The following CFAP44 variants were observed in gnomAD, a reference collection of about 807,000 sequenced individuals.
CFAP44 encodes cilia- and flagella-associated protein 44.
A neutral mutation model predicts 216.2 loss-of-function variants in CFAP44; 134 were observed. The observed-to-expected ratio is 0.62, with a 90% confidence interval of 0.54 to 0.72. The LOEUF is 0.72. Ranked by LOEUF, CFAP44 falls within the 30% of genes least tolerant of loss-of-function variation. CFAP44 has a pLI of 0.00. For missense variants in CFAP44, 2,035 were observed against 2,182.1 expected, an observed-to-expected ratio of 0.93 and a Z score of 1.34; for synonymous variants, 700 against 727.6, an observed-to-expected ratio of 0.96 and a Z score of 0.61.
intron 13 of CFAP44, among the ~76,000 whole-genome samples, chr3:113,398,334 A>G (rs1576589285): frequency 6.6e-6 from 1 of 152,182 alleles, no homozygotes; most frequent in East Asian, 1.9e-4. Flanking sequence ...AGGTAGATTC[A>G]TGGAGGGCTA....
At chr3:113,324,042 CAAAAA>C (rs200919084) in intron 28 of CFAP44, among the ~76,000 whole-genome samples, 1 of 71,860 alleles carries the variant, frequency 1.4e-5, no homozygotes, top group African/African-American at 4.7e-5. Context: ...GACTCCGTCT[CAAAAA>C]AAAAAAAAAA....
At chr3:113,347,053 G>A (rs942137566) in intron 22 of CFAP44, among the ~76,000 whole-genome samples, 1 of 152,172 alleles carries the variant, frequency 6.6e-6, no homozygotes, top group African/African-American at 2.4e-5. Flanking sequence ...CATGCAGTGA[G>A]TACCATCAGA....
intron 9 of CFAP44, among the ~76,000 whole-genome samples, chr3:113,403,576 C>T (rs55671509): frequency 0.024 from 3,626 of 152,292 alleles, 69 homozygotes; most frequent in African/African-American, 0.046. Context: ...TCATCTTGTG[C>T]TAACATGAGT....
rs557353255 is a variant in CFAP44, at chr3:113,401,082, A to AT, written c.1374+157dup. 1.2e-4 allele frequency among the ~76,000 whole-genome samples: 19 copies of AT among 152,316 alleles called. No homozygotes were observed. In the East Asian group the frequency reaches 3.1e-3, roughly 25 times the overall value. On this transcript the variant is annotated intron_variant, in intron 11 of 34. Transcript: ENST00000393845. ...GATAGATTCTTTTTTATGTAAAATC[A>AT]TAACGAGAGAGAGAATTCTCAAGAG...
intron 15 of CFAP44, among the ~76,000 whole-genome samples, 196 bp downstream of exon 15, chr3:113,395,554 A>T (rs1369333681): frequency 1.3e-5 from 2 of 152,180 alleles, no homozygotes; most frequent in Non-Finnish European, 2.9e-5. Context: ...CAGTGAGGAG[A>T]GAGCAAGGCT....
At chr3:113,434,080 C>CA in intron 1 of CFAP44, 1 of 166,176 alleles carries the variant, frequency 6.0e-6, no homozygotes, top group East Asian at 1.6e-4. Flanking sequence ...TTTTTGAGCA[C>CA]ACCTGCAGTG....
intron 3 of CFAP44, 65 bp from the exon 4 acceptor site, chr3:113,426,342 C>A (rs1934959685): frequency 6.5e-7 from 1 of 1,548,644 alleles, no homozygotes; most frequent in Non-Finnish European, 8.8e-7. Flanking sequence ...CAAATCTCAA[C>A]TTGAATTGTA....
At chr3:113,355,291 C>A in intron 22 of CFAP44, among the ~76,000 whole-genome samples, 1 of 152,160 alleles carries the variant, frequency 6.6e-6, no homozygotes, top group South Asian at 2.1e-4. Flanking sequence ...GAGGCCTAGG[C>A]GGGTGGATCA....
intron 33 of CFAP44, 148 bp from the exon 34 acceptor site, chr3:113,294,969 C>G: frequency 1.1e-6 from 1 of 934,098 alleles, no homozygotes; most frequent in South Asian, 2.0e-5. Flanking sequence ...GAAAATGCAA[C>G]ACAAAGTGCA....
At chr3:113,368,700 A>G (rs543425877) in intron 18 of CFAP44, among the ~76,000 whole-genome samples, 3,622 of 152,338 alleles carry the variant, frequency 0.024, 66 homozygotes, top group African/African-American at 0.046. Flanking sequence ...CAAAATAACC[A>G]GCTAACATCC....
At chr3:113,417,862 T>C (rs1576601473) in intron 5 of CFAP44, among the ~76,000 whole-genome samples, 1 of 152,242 alleles carries the variant, frequency 6.6e-6, no homozygotes, top group African/African-American at 2.4e-5. Flanking sequence ...ATTAAGACCA[T>C]ATCTATCTAG....
At chr3:113,315,711 A>C (rs2107800234) in intron 28 of CFAP44, among the ~76,000 whole-genome samples, 1 of 152,354 alleles carries the variant, frequency 6.6e-6, no homozygotes, top group South Asian at 2.1e-4. Context: ...TTTGGTAGAA[A>C]CCAGACTTCA....
At chr3:113,430,241 A>C (rs1935068544) in intron 2 of CFAP44, among the ~76,000 whole-genome samples, 1 of 152,094 alleles carries the variant, frequency 6.6e-6, no homozygotes, top group Non-Finnish European at 1.5e-5. Flanking sequence ...GTCAAAGGGA[A>C]ATCAACAAAG....
rs1294298241 is a variant in CFAP44 at position 113,296,847 on chromosome 3, A to C, written c.5116T>G (p.Phe1706Val). Reference protein sequence around the residue: ...ETVRQLMISKFGRVVNLEALQ... With the variant: ...ETVRQLMISKVGRVVNLEALQ... Reference sequence around the variant, plus strand: ...GCTTCTAGATTTACCACACGGCCAAACTTGCTGATCATGAGCTGCCGGACT... The same window carrying C: ...GCTTCTAGATTTACCACACGGCCAACCTTGCTGATCATGAGCTGCCGGACT... Residue 1706 changes from phenylalanine to valine, a missense_variant, in exon 33 of 35, where the codon TTT becomes GTT. Coordinates refer to ENST00000393845, the MANE Select transcript of CFAP44 (RefSeq NM_001164496.2). The C allele has an allele frequency of 6.5e-7, 1 of 1,537,314 alleles. No homozygotes were observed.
intron 32 of CFAP44, among the ~76,000 whole-genome samples, chr3:113,301,040 C>T (rs929278233): frequency 1.3e-5 from 2 of 151,972 alleles, no homozygotes; most frequent in African/African-American, 4.8e-5. Context: ...TAAACATATA[C>T]CATGTACAAG....
chr3:113,357,177 C>T (rs76811219), intron 22 of CFAP44, among the ~76,000 whole-genome samples: 5,603 of 152,150 alleles, frequency 0.037, 164 homozygotes, highest in African/African-American at 0.07. Context: ...GATGCTACTA[C>T]AGAATAGCTG....
In CFAP44 at chr3:113,344,646, G is replaced by A; in HGVS notation, c.3132C>T (p.Ser1044=). ...VHAILSDHKI[S]SYRLVQPSKY... ...TAGAGGGCTGCACCAGCCTGTAAGA[G>A]GATATCTTGTGGTCACTCAGTATGG... Residue 1044 remains serine, a synonymous_variant, in exon 23 of 35, where the codon TCC becomes TCT. Coordinates refer to ENST00000393845, the MANE Select transcript of CFAP44 (RefSeq NM_001164496.2). 2.6e-6 allele frequency: 4 copies of A among 1,536,872 alleles called. No individual in the cohort carries two copies. Among genetic ancestry groups the A allele is most frequent in the Non-Finnish European group, 3.5e-6 (4 of 1,146,768 alleles).
rs1202359320 is a variant in CFAP44, at chr3:113,330,119, C to T, written c.4116+49G>A. ...ACAAAAAACCCGACCCAATTTTTTC[C>T]CTTCTCTTCTCTCTTTCAGCTTTAA... On this transcript the variant is annotated intron_variant, in intron 26 of 34. Coordinates refer to ENST00000393845, the MANE Select transcript of CFAP44 (RefSeq NM_001164496.2). 24 of 1,420,824 alleles carry T rather than the reference C, an allele frequency of 1.7e-5. No individual in the cohort carries two copies. The East Asian group carries it at 4.6e-4, about 27-fold the overall frequency. The allele number at this position is 1,420,824 out of a possible 1,614,324, so 88.0% of individuals were successfully genotyped here.
intron 6 of CFAP44, among the ~76,000 whole-genome samples, chr3:113,413,935 A>G (rs965310090): frequency 2.6e-5 from 4 of 152,188 alleles, no homozygotes; most frequent in Non-Finnish European, 4.4e-5. Flanking sequence ...CATTGAATCT[A>G]TAAATTACTT....
Sources: gnomAD v4.1 joint callset for allele counts (sites outside exome capture counted in the v4.1 genomes callset) on GRCh38, gnomAD v4.1.1 for gene constraint, MANE v1.5 for transcripts, NCBI Gene and HGNC (gene_info 2026-07-23, HGNC 2026-07-21) for gene names.